Variants in SLC9D1 observed in about 807,000 individuals in gnomAD.
SLC9D1 encodes the protein putative LAG1-interacting protein.
the SLC9D1 span, among the ~76,000 whole-genome samples, chr13:113,521,224 G>C: frequency 2.0e-5 from 3 of 151,642 alleles, no homozygotes; most frequent in South Asian, 4.2e-4. Flanking sequence ...TGGTGGGGGG[G>C]CATGTGTCTG....
At chr13:113,535,351 C>T in the SLC9D1 span, 3 of 152,096 alleles carry the variant, frequency 2.0e-5, no homozygotes, top group Non-Finnish European at 2.9e-5. The surrounding 1 kb of genome is among the most constrained non-coding windows in gnomAD (Gnocchi z 4.1). Flanking sequence ...TCCTGGACCC[C>T]CATAGAGTCT....
chr13:113,531,932 C>T, the SLC9D1 span, among the ~76,000 whole-genome samples: 3 of 152,202 alleles, frequency 2.0e-5, no homozygotes, highest in African/African-American at 4.8e-5. Context: ...GCTTGTGTAG[C>T]CGTTAGGGGC....
the SLC9D1 span, among the ~76,000 whole-genome samples, chr13:113,495,301 A>G: frequency 1.3e-5 from 2 of 152,232 alleles, no homozygotes; most frequent in African/African-American, 2.4e-5. Flanking sequence ...TCAGCCCTTC[A>G]CAAAGCACCA....
chr13:113,500,148 A>AG, the SLC9D1 span: 1 of 1,466,730 alleles, frequency 6.8e-7, no homozygotes, highest in South Asian at 1.5e-5. Flanking sequence ...CACTTTATAA[A>AG]GGTAGTGAGT....
chr13:113,527,010 C>T, the SLC9D1 span, among the ~76,000 whole-genome samples: 1 of 152,202 alleles, frequency 6.6e-6, no homozygotes, highest in Non-Finnish European at 1.5e-5. Context: ...CAGTGCCAGG[C>T]GGCCTGGGTG....
chr13:113,506,173 G>A, the SLC9D1 span: 3,946 of 132,574 alleles, frequency 0.03, 89 homozygotes, highest in East Asian at 0.14. Context: ...CCTGGCCTGT[G>A]GAGGAAGGAG....
the SLC9D1 span, chr13:113,501,890 A>G: frequency 6.2e-7 from 1 of 1,601,492 alleles, no homozygotes; most frequent in East Asian, 2.2e-5. Context: ...GGTAAGAACA[A>G]AATTGGATTG....
chr13:113,544,678 A>G, the SLC9D1 span, among the ~76,000 whole-genome samples: 1 of 152,256 alleles, frequency 6.6e-6, no homozygotes, highest in African/African-American at 2.4e-5. Context: ...GGCGAGGGCC[A>G]TGCCTGCTCC....
At chr13:113,498,315 C>G in the SLC9D1 span, 1 of 1,473,228 alleles carries the variant, frequency 6.8e-7, no homozygotes, top group Non-Finnish European at 9.0e-7. Context: ...TAATATATCT[C>G]ACTCTTCTTT....
At chr13:113,511,940 C>CT in the SLC9D1 span, 1 of 151,030 alleles carries the variant, frequency 6.6e-6, no homozygotes, top group African/African-American at 2.5e-5. Flanking sequence ...CTCGGAGTCA[C>CT]GGAGGCCGGG....
chr13:113,509,682 A>G, the SLC9D1 span, among the ~76,000 whole-genome samples: 3 of 152,192 alleles, frequency 2.0e-5, no homozygotes, highest in Non-Finnish European at 4.4e-5. Context: ...GTGGAATAGG[A>G]GGAGTTCCAG....
chr13:113,507,106 T>C, the SLC9D1 span, among the ~76,000 whole-genome samples: 2 of 152,020 alleles, frequency 1.3e-5, no homozygotes, highest in Non-Finnish European at 2.9e-5. Flanking sequence ...GTTCCTTCTG[T>C]GTCTGGGATG....
the SLC9D1 span, among the ~76,000 whole-genome samples, chr13:113,515,621 G>T: frequency 3.3e-5 from 5 of 152,150 alleles, no homozygotes; most frequent in African/African-American, 1.2e-4. Flanking sequence ...GCTGGGCACG[G>T]TGGCTCACGC....
the SLC9D1 span, chr13:113,539,548 G>A: frequency 1.5e-5 from 24 of 1,597,872 alleles, no homozygotes; most frequent in South Asian, 5.5e-5. This position sits in a 1 kb window ranked among gnomAD's most constrained non-coding sequence, Gnocchi z 4.8. Flanking sequence ...TTGGTTAAAC[G>A]TATGCAGAGT....
the SLC9D1 span, among the ~76,000 whole-genome samples, chr13:113,531,571 C>T: frequency 4.7e-5 from 7 of 149,272 alleles, no homozygotes; most frequent in South Asian, 1.3e-3. Context: ...GGTGGCACGG[C>T]ACCCCGTACA....
the SLC9D1 span, among the ~76,000 whole-genome samples, chr13:113,493,509 T>G: frequency 6.6e-6 from 1 of 152,212 alleles, no homozygotes; most frequent in African/African-American, 2.4e-5. Flanking sequence ...TGGCTAGGCA[T>G]GACTAAGTGA....
chr13:113,515,858 T>A, the SLC9D1 span, among the ~76,000 whole-genome samples: 1 of 123,752 alleles, frequency 8.1e-6, no homozygotes, highest in Non-Finnish European at 1.6e-5. Flanking sequence ...GCCACTGCAC[T>A]CCAGCCTGGT....
chr13:113,539,221 GAC>G, the SLC9D1 span: 9 of 800,780 alleles, frequency 1.1e-5, no homozygotes, highest in South Asian at 1.8e-5. The surrounding 1 kb of genome is among the most constrained non-coding windows in gnomAD (Gnocchi z 4.8). Context: ...CCCAGGACCA[GAC>G]ACACACACGC....
chr13:113,531,383 A>G, the SLC9D1 span, among the ~76,000 whole-genome samples: 3 of 152,392 alleles, frequency 2.0e-5, no homozygotes, highest in South Asian at 2.1e-4. Flanking sequence ...ACGCTGAGAC[A>G]GTCAGAACAG....
Sources: gnomAD v4.1 joint callset for allele counts (sites outside exome capture counted in the v4.1 genomes callset) on GRCh38, gnomAD v4.1.1 for gene constraint, Gnocchi (gnomAD v3.1) non-coding constraint, MANE v1.5 for transcripts, NCBI Gene and HGNC (gene_info 2026-07-23, HGNC 2026-07-21) for gene names.